The following GNAL variants were observed in gnomAD, a reference collection of about 807,000 sequenced individuals.
GNAL encodes guanine nucleotide-binding protein G(olf) subunit alpha.
Under a neutral mutation model 55.1 loss-of-function variants are expected in GNAL, and 18 were observed. The ratio of observed to expected loss-of-function variants is 0.33; its 90% CI spans 0.23 to 0.48. GNAL has a LOEUF of 0.48. Among genes scored for constraint, GNAL ranks in the 20% least tolerant of loss-of-function variants. GNAL has a pLI of 0.99. For synonymous variants in GNAL, 253 were observed against 237.0 expected (o/e 1.07, Z -0.62); for missense variants, 412 against 614.1 (o/e 0.67, Z 3.48).
intron 1 of GNAL, among the ~76,000 whole-genome samples, chr18:11,725,596 T>G (rs1241084072): frequency 1.3e-5 from 2 of 152,248 alleles, no homozygotes; most frequent in Non-Finnish European, 2.9e-5. Flanking sequence ...TAAAATGCAT[T>G]TAAGGTGGCT....
intron 5 of GNAL, chr18:11,851,914 A>G (rs763336856): frequency 1.9e-6 from 3 of 1,614,020 alleles, no homozygotes; most frequent in Non-Finnish European, 2.5e-6. Context: ...AATGGAAGAC[A>G]CGATGAGCAG....
intron 1 of GNAL, among the ~76,000 whole-genome samples, chr18:11,703,685 A>G (rs2031633720): frequency 6.6e-6 from 1 of 152,064 alleles, no homozygotes; most frequent in Non-Finnish European, 1.5e-5. Flanking sequence ...TTTCAGATCC[A>G]TTTCCGTTTT....
chr18:11,693,548 T>A (rs552430932), intron 1 of GNAL, among the ~76,000 whole-genome samples: 3 of 152,336 alleles, frequency 2.0e-5, no homozygotes, highest in African/African-American at 7.2e-5. Context: ...AGCTGGAAAT[T>A]TTTGAGTCAG....
intron 4 of GNAL, among the ~76,000 whole-genome samples, chr18:11,820,929 A>G (rs1336514690): frequency 6.6e-6 from 1 of 152,218 alleles, no homozygotes; most frequent in Non-Finnish European, 1.5e-5. Context: ...TGCTCCAGAA[A>G]TTCTGTATCT....
At chr18:11,776,121 A>G (rs780124694) in intron 4 of GNAL, among the ~76,000 whole-genome samples, 7 of 152,330 alleles carry the variant, frequency 4.6e-5, no homozygotes, top group Non-Finnish European at 8.8e-5. Flanking sequence ...TCTTTGCTCA[A>G]TATGACCTTG....
Position 11,777,629 on chromosome 18 carries a change from T to C in GNAL, c.624+23684T>C, listed in dbSNP as rs75083106. On this transcript the variant is annotated intron_variant, in intron 4 of 11. Coordinates refer to ENST00000334049, the MANE Select transcript of GNAL (RefSeq NM_182978.4). ...CTTTTGCCTGTAATGTAATTAGCAC[T>C]CTTGAAGTATTTTGCTGGATGCCTT... Among the ~76,000 whole-genome samples, 1,129 of 152,352 alleles carry C rather than the reference T, an allele frequency of 7.4e-3. 10 individuals are homozygous for C. The highest frequency in any genetic ancestry group is 0.023 in the African/African-American group (969 of 41,582).
In GNAL at chr18:11,751,680, G is replaced by C; in HGVS notation, c.377-1173G>C. ...GGCCGCGGCGCAGCGGAGGGGCTGC[G>C]GGCCCGGAACCCAGGCCGGTCAGCG... is the stretch of plus-strand genomic sequence containing the variant. On this transcript the variant is annotated intron_variant, in intron 1 of 11. Coordinates refer to ENST00000334049, the MANE Select transcript of GNAL (RefSeq NM_182978.4). This position sits in a 1 kb window ranked among gnomAD's most constrained non-coding sequence, Gnocchi z 4.5. The C allele has an allele frequency of 3.0e-6, 3 of 985,038 alleles. No homozygotes were observed. The highest frequency in any genetic ancestry group is 3.6e-6 in the Non-Finnish European group (3 of 829,586). The allele number at this position is 985,038 out of a possible 1,614,324, so 61.0% of individuals were successfully genotyped here.
chr18:11,691,528 C>G lies in GNAL; in HGVS notation c.376+1589C>G, dbSNP rs537240020. Among the ~76,000 whole-genome samples the G allele has an allele frequency of 5.4e-5, 8 of 148,564 alleles. No individual in the cohort carries two copies. In the East Asian group the frequency reaches 1.5e-3, roughly 29 times the overall value. On this transcript the variant is annotated intron_variant, in intron 1 of 11. Transcript: ENST00000334049. ...GCTTTTGGTGTTTTGGACATGAAGT[C>G]CTTGCCCATGCCTATGTCCTGAATG...
rs996046327 is a variant in GNAL, at chr18:11,760,483, C to T, written c.624+6538C>T. Reference sequence around the variant, plus strand: ...TGCAGTACACTGAACCTCTTAAAGACGCTTGTGTCTGGCATGGAAGGAAAA... The same window carrying T: ...TGCAGTACACTGAACCTCTTAAAGATGCTTGTGTCTGGCATGGAAGGAAAA... On this transcript the variant is annotated intron_variant, in intron 4 of 11. Transcript: ENST00000334049. Among the ~76,000 whole-genome samples the T allele has an allele frequency of 7.2e-5, 11 of 152,262 alleles. No individual in the cohort carries two copies. In the East Asian group the frequency reaches 7.7e-4, roughly 11 times the overall value.
At chr18:11,860,180 G>A (rs7228231) in intron 5 of GNAL, among the ~76,000 whole-genome samples, 1 of 151,972 alleles carries the variant, frequency 6.6e-6, no homozygotes, top group Non-Finnish European at 1.5e-5. Flanking sequence ...GTTTCCTATC[G>A]CTATGAAAGG....
chr18:11,702,808 A>G (rs2143325822), intron 1 of GNAL, among the ~76,000 whole-genome samples: 1 of 110,160 alleles, frequency 9.1e-6, no homozygotes, highest in East Asian at 2.8e-4. Context: ...GCTTCCAAGA[A>G]CCTTCCCACT....
rs143599871 is a variant in GNAL at position 11,721,316 on chromosome 18, C to T, written c.376+31377C>T. Reference sequence around the variant, plus strand: ...ATAAATAACAATGGGATTTTAAAACCTTACATTTAACAAGCTTTGTAAATT... The same window carrying T: ...ATAAATAACAATGGGATTTTAAAACTTTACATTTAACAAGCTTTGTAAATT... On this transcript the variant is annotated intron_variant, in intron 1 of 11. Coordinates refer to ENST00000334049, the MANE Select transcript of GNAL (RefSeq NM_182978.4). Among the ~76,000 whole-genome samples the T allele has an allele frequency of 2.4e-3, 371 of 152,304 alleles. 3 individuals are homozygous for T. Among genetic ancestry groups the T allele is most frequent in the African/African-American group, 8.3e-3 (344 of 41,566 alleles).
At chr18:11,770,715 A>G (rs1410251905) in intron 4 of GNAL, among the ~76,000 whole-genome samples, 3 of 152,194 alleles carry the variant, frequency 2.0e-5, no homozygotes, top group Non-Finnish European at 4.4e-5. Flanking sequence ...TCAAGCTTAA[A>G]TAATCTCCTT....
At chr18:11,831,688 C>T (rs1188147431) in intron 5 of GNAL, among the ~76,000 whole-genome samples, 4 of 152,238 alleles carry the variant, frequency 2.6e-5, no homozygotes, top group Non-Finnish European at 5.9e-5. Flanking sequence ...TTGTCCACTC[C>T]GTAATCTGCA....
At chr18:11,858,926 G>A (rs962620543) in intron 5 of GNAL, among the ~76,000 whole-genome samples, 3 of 152,240 alleles carry the variant, frequency 2.0e-5, no homozygotes, top group Admixed American at 2.0e-4. Flanking sequence ...CAAAGTCACT[G>A]GTCTTTCATA....
chr18:11,885,210 G>C lies in GNAL; in HGVS notation c.*4075G>C, dbSNP rs937623008. 1.0e-5 allele frequency: 4 copies of C among 389,678 alleles called. No individual in the cohort carries two copies. Among genetic ancestry groups the C allele is most frequent in the African/African-American group, 6.6e-5 (3 of 45,790 alleles). 24.1% of individuals were successfully genotyped at this position (389,678 alleles called of 1,614,324 possible). On this transcript the variant is annotated 3_prime_UTR_variant, in exon 12 of 12. Coordinates refer to ENST00000334049, the MANE Select transcript of GNAL (RefSeq NM_182978.4). ...CCTGTCGTACCAGCATCATGAGCTG[G>C]ATGCAGGAGCCCATGGCTGAAAGGA...
intron 10 of GNAL, among the ~76,000 whole-genome samples, chr18:11,872,629 GAAGA>G (rs1308296096): frequency 2.6e-5 from 4 of 152,204 alleles, no homozygotes; most frequent in African/African-American, 9.7e-5. Flanking sequence ...CCGTGCAGCA[GAAGA>G]AAGAGCCATT....
intron 5 of GNAL, among the ~76,000 whole-genome samples, chr18:11,834,701 G>C (rs2035462679): frequency 6.6e-6 from 1 of 152,244 alleles, no homozygotes; most frequent in Non-Finnish European, 1.5e-5. Context: ...CAGGACAACA[G>C]AGTGAGACTC....
intron 1 of GNAL, among the ~76,000 whole-genome samples, chr18:11,701,737 G>A (rs982792611): frequency 6.6e-6 from 1 of 152,074 alleles, no homozygotes; most frequent in Non-Finnish European, 1.5e-5. Flanking sequence ...GCAGCAACCT[G>A]GAGTGTTTAC....
Sources: allele counts gnomAD v4.1 joint callset (sites outside exome capture counted in the v4.1 genomes callset), GRCh38; gene constraint gnomAD v4.1.1; non-coding constraint Gnocchi (gnomAD v3.1); transcripts MANE v1.5; gene names NCBI Gene and HGNC (gene_info 2026-07-23, HGNC 2026-07-21).